KCNG3: variants seen among roughly 807,000 people sequenced by gnomAD.
The protein encoded by KCNG3 is voltage-gated potassium channel regulatory subunit KCNG3.
Under a neutral mutation model 29.0 loss-of-function variants are expected in KCNG3, and 15 were observed. The ratio of observed to expected loss-of-function variants is 0.52; its 90% CI spans 0.35 to 0.80. KCNG3 has a LOEUF of 0.80. KCNG3 is among the 30% of genes least tolerant of loss of function. The pLI is 0.01. For synonymous variants in KCNG3, 322 were observed against 248.9 expected, an observed-to-expected ratio of 1.29 and a Z score of -2.76; for missense variants, 512 against 605.7, an observed-to-expected ratio of 0.85 and a Z score of 1.62.
chr2:42,473,284 C>A (rs557782276), intron 1 of KCNG3, among the ~76,000 whole-genome samples: 1 of 151,882 alleles, frequency 6.6e-6, no homozygotes, highest in Non-Finnish European at 1.5e-5. Context: ...TTTTTATATG[C>A]CTGAAAGACT....
At chr2:42,475,106 T>C (rs554959042) in intron 1 of KCNG3, among the ~76,000 whole-genome samples, 5 of 152,326 alleles carry the variant, frequency 3.3e-5, no homozygotes, top group South Asian at 2.1e-4. Context: ...ATTTTGATAC[T>C]TGAAATTTTG....
At chr2:42,433,862 C>T in the KCNG3 span, among the ~76,000 whole-genome samples, 1 of 152,224 alleles carries the variant, frequency 6.6e-6, no homozygotes, top group Non-Finnish European at 1.5e-5. Flanking sequence ...TACCCTGGGA[C>T]ATCAGTATTC....
chr2:42,484,724 T>C (rs1673679501), intron 1 of KCNG3, among the ~76,000 whole-genome samples: 1 of 152,208 alleles, frequency 6.6e-6, no homozygotes, highest in Non-Finnish European at 1.5e-5. Flanking sequence ...AAAAGAATAA[T>C]GTTGAAAATA....
Position 42,493,360 on chromosome 2 carries a change from G to T in KCNG3, c.142C>A (p.Leu48Ile). Residue 48 changes from leucine to isoleucine, a missense_variant, in exon 1 of 2, where the codon CTC (leucine) becomes ATC (isoleucine). Transcript: ENST00000306078. Reference sequence around the variant, plus strand: ...CGGTCGTAGTCGTCGCACACCTCGAGCACGTCGCGCTCGGAGCGGCAGCCG... The same window carrying T: ...CGGTCGTAGTCGTCGCACACCTCGATCACGTCGCGCTCGGAGCGGCAGCCG... ...LHGCRSERDV[L>I]EVCDDYDRER... 6.3e-7 allele frequency: 1 copy of T among 1,578,008 alleles called. No homozygotes were observed. Among genetic ancestry groups the T allele is most frequent in the Admixed American group, 1.8e-5 (1 of 56,876 alleles).
the KCNG3 span, among the ~76,000 whole-genome samples, chr2:42,415,252 T>C: frequency 4.6e-5 from 7 of 152,166 alleles, no homozygotes; most frequent in Non-Finnish European, 7.3e-5. Flanking sequence ...CACTACCTTA[T>C]AGTGAGGTCT....
At chr2:42,456,061 A>C (rs1672868299) in intron 1 of KCNG3, among the ~76,000 whole-genome samples, 2 of 151,602 alleles carry the variant, frequency 1.3e-5, no homozygotes, top group Non-Finnish European at 2.9e-5. Flanking sequence ...AACTCCAATA[A>C]CTTTGTTACT....
At chr2:42,393,422 G>A in the KCNG3 span, among the ~76,000 whole-genome samples, 14 of 151,984 alleles carry the variant, frequency 9.2e-5, no homozygotes, top group Non-Finnish European at 1.6e-4. Context: ...TGAGCCGGGC[G>A]TGGTGGCGGG....
chr2:42,411,785 G>C, the KCNG3 span, among the ~76,000 whole-genome samples: 4 of 152,152 alleles, frequency 2.6e-5, no homozygotes, highest in South Asian at 8.3e-4. Flanking sequence ...GCCCAACCAG[G>C]TCTCATACAT....
intron 1 of KCNG3, among the ~76,000 whole-genome samples, chr2:42,445,894 T>C (rs1038301624): frequency 6.6e-6 from 1 of 151,740 alleles, no homozygotes; most frequent in African/African-American, 2.4e-5. Flanking sequence ...GCGTGACTAA[T>C]TTTTGTATTT....
the KCNG3 span, among the ~76,000 whole-genome samples, chr2:42,405,634 G>C: frequency 6.6e-6 from 1 of 151,486 alleles, no homozygotes; most frequent in Non-Finnish European, 1.5e-5. Flanking sequence ...TTGAGACAGA[G>C]TCTCACTCTG....
At chr2:42,460,601 G>A (rs981435481) in intron 1 of KCNG3, among the ~76,000 whole-genome samples, 1 of 152,184 alleles carries the variant, frequency 6.6e-6, no homozygotes, top group African/African-American at 2.4e-5. Flanking sequence ...GCTTCTTTGA[G>A]AAAGTGGCGA....
At chr2:42,416,828 A>G in the KCNG3 span, among the ~76,000 whole-genome samples, 1 of 152,082 alleles carries the variant, frequency 6.6e-6, no homozygotes, top group Non-Finnish European at 1.5e-5. Flanking sequence ...CAAAAAAAAA[A>G]AAAAGAAAAA....
chr2:42,415,667 A>T, the KCNG3 span: 1 of 152,226 alleles, frequency 6.6e-6, no homozygotes, highest in African/African-American at 2.4e-5. Context: ...ATAAACTTTA[A>T]GCCATCTATA....
intron 1 of KCNG3, among the ~76,000 whole-genome samples, chr2:42,461,182 C>CAAAAAAAA (rs34199989): frequency 1.2e-3 from 65 of 56,370 alleles, no homozygotes; most frequent in Non-Finnish European, 1.6e-3. Context: ...CAAAACAAAA[C>CAAAAAAAA]AAAAAAAAAA....
chr2:42,483,315 T>C (rs1229783781), intron 1 of KCNG3, among the ~76,000 whole-genome samples: 1 of 152,194 alleles, frequency 6.6e-6, no homozygotes, highest in Non-Finnish European at 1.5e-5. Context: ...GCAGTATCTA[T>C]CAAAAAATGT....
intron 1 of KCNG3, among the ~76,000 whole-genome samples, chr2:42,446,036 G>C (rs1305408094): frequency 6.6e-6 from 1 of 151,748 alleles, no homozygotes; most frequent in Non-Finnish European, 1.5e-5. Flanking sequence ...CAACGGGTAG[G>C]ATTCTTGAAG....
chr2:42,492,030 T>C (rs1558392249), intron 1 of KCNG3, among the ~76,000 whole-genome samples: 3 of 152,206 alleles, frequency 2.0e-5, no homozygotes, highest in Admixed American at 2.0e-4. Context: ...TATCACCACT[T>C]CAAGGTAAGA....
chr2:42,448,905 G>A (rs796640179), intron 1 of KCNG3, among the ~76,000 whole-genome samples: 34 of 152,168 alleles, frequency 2.2e-4, no homozygotes, highest in African/African-American at 8.2e-4. Context: ...ATGAACCTGG[G>A]AGGTGGAGCT....
the KCNG3 span, among the ~76,000 whole-genome samples, chr2:42,414,382 T>C: frequency 6.6e-6 from 1 of 152,194 alleles, no homozygotes; most frequent in Non-Finnish European, 1.5e-5. Flanking sequence ...CTGAAGTTGT[T>C]ATTTCATTGT....
Sources: gnomAD v4.1 joint callset for allele counts (sites outside exome capture counted in the v4.1 genomes callset) on GRCh38, gnomAD v4.1.1 for gene constraint, MANE v1.5 for transcripts, NCBI Gene and HGNC (gene_info 2026-07-23, HGNC 2026-07-21) for gene names.